The following PPARGC1A variants were observed in gnomAD, a reference collection of about 807,000 sequenced individuals.
PPARGC1A encodes peroxisome proliferator-activated receptor gamma coactivator 1-alpha.
In PPARGC1A, 25 loss-of-function variants were observed where a neutral mutation model predicts 88.7. The observed-to-expected ratio is 0.28, with a 90% CI of 0.21 to 0.39. The LOEUF is 0.39. Among genes scored for constraint, PPARGC1A ranks in the 10% least tolerant of loss-of-function variants. The pLI is 1.00. For missense variants in PPARGC1A, 880 were observed against 968.7 expected (o/e 0.91, Z 1.22); for synonymous variants, 363 against 355.6 (o/e 1.02, Z -0.24).
the PPARGC1A span, among the ~76,000 whole-genome samples, chr4:24,351,886 G>A: frequency 6.6e-6 from 1 of 152,142 alleles, no homozygotes; most frequent in South Asian, 2.1e-4. Context: ...AAGAGAAAGG[G>A]TGTTCTTTTT....
At chr4:23,970,567 C>T in the PPARGC1A span, among the ~76,000 whole-genome samples, 1 of 152,134 alleles carries the variant, frequency 6.6e-6, no homozygotes, top group Non-Finnish European at 1.5e-5. Flanking sequence ...TTGGGAAGTG[C>T]TACATAAAGG....
chr4:23,832,648 C>T (rs1356213339), intron 2 of PPARGC1A, among the ~76,000 whole-genome samples: 3 of 146,340 alleles, frequency 2.1e-5, no homozygotes, highest in Non-Finnish European at 4.5e-5. Context: ...CTTGCTCTAT[C>T]GCCCAGACTG....
At chr4:24,288,347 T>C in the PPARGC1A span, among the ~76,000 whole-genome samples, 1 of 152,180 alleles carries the variant, frequency 6.6e-6, no homozygotes, top group Admixed American at 6.5e-5. Context: ...GTGATTTTTG[T>C]TCAAAAACTA....
the PPARGC1A span, among the ~76,000 whole-genome samples, chr4:24,432,285 A>G: frequency 6.6e-6 from 1 of 152,114 alleles, no homozygotes; most frequent in Non-Finnish European, 1.5e-5. Flanking sequence ...GGAGGAGAAG[A>G]TGTGCCTGCC....
At chr4:24,421,697 C>A in the PPARGC1A span, among the ~76,000 whole-genome samples, 9 of 152,188 alleles carry the variant, frequency 5.9e-5, no homozygotes, top group Non-Finnish European at 1.3e-4. Context: ...CTTCCTCAGC[C>A]ACTGCCTCCA....
the PPARGC1A span, among the ~76,000 whole-genome samples, chr4:24,462,671 C>T: frequency 1.9e-3 from 283 of 151,054 alleles, no homozygotes; most frequent in African/African-American, 6.6e-3. Flanking sequence ...TTTAAAATGT[C>T]TCTGGAATGT....
At chr4:24,091,048 G>C in the PPARGC1A span, among the ~76,000 whole-genome samples, 2 of 152,262 alleles carry the variant, frequency 1.3e-5, 1 homozygote, top group South Asian at 4.2e-4. Flanking sequence ...ATTAAAAATA[G>C]GTTAAAACCA....
the PPARGC1A span, among the ~76,000 whole-genome samples, chr4:24,205,752 C>CA: frequency 0.015 from 2,250 of 152,218 alleles, 20 homozygotes; most frequent in East Asian, 0.058. Flanking sequence ...CACCCATATA[C>CA]AAAAAACTAA....
At chr4:24,161,997 CACACACACACACACA>C in the PPARGC1A span, among the ~76,000 whole-genome samples, 35 of 148,926 alleles carry the variant, frequency 2.4e-4, no homozygotes, top group African/African-American at 6.7e-4. Context: ...CACACACACA[CACACACACACACACA>C]CCATGGAATA....
the PPARGC1A span, among the ~76,000 whole-genome samples, chr4:24,099,943 G>A: frequency 6.9e-6 from 1 of 144,752 alleles, no homozygotes; most frequent in African/African-American, 2.6e-5. Context: ...GGCACAGGAA[G>A]GGGAACATCA....
the PPARGC1A span, among the ~76,000 whole-genome samples, chr4:23,916,729 T>G: frequency 6.6e-6 from 1 of 152,200 alleles, no homozygotes; most frequent in East Asian, 1.9e-4. Flanking sequence ...TTCCAATTTG[T>G]GAAAGTGCTT....
At chr4:23,856,705 A>G (rs1038441954) in intron 2 of PPARGC1A, among the ~76,000 whole-genome samples, 1 of 152,146 alleles carries the variant, frequency 6.6e-6, no homozygotes, top group African/African-American at 2.4e-5. Context: ...ACAGTGGCCT[A>G]TAAAACAGGC....
the PPARGC1A span, among the ~76,000 whole-genome samples, chr4:24,110,811 C>G: frequency 2.6e-5 from 4 of 152,246 alleles, no homozygotes; most frequent in African/African-American, 7.2e-5. Flanking sequence ...TACGTTGTAT[C>G]TATCTTCATT....
At chr4:24,452,706 C>T in the PPARGC1A span, among the ~76,000 whole-genome samples, 3 of 152,104 alleles carry the variant, frequency 2.0e-5, no homozygotes, top group African/African-American at 7.2e-5. Context: ...GTTCCATGTG[C>T]TGGAAACACA....
chr4:23,927,252 G>T, the PPARGC1A span, among the ~76,000 whole-genome samples: 3 of 152,090 alleles, frequency 2.0e-5, no homozygotes, highest in African/African-American at 7.2e-5. Flanking sequence ...CTTGAAGTAT[G>T]GTTTCTACTG....
chr4:24,299,338 A>AAG, the PPARGC1A span, among the ~76,000 whole-genome samples: 2 of 151,578 alleles, frequency 1.3e-5, no homozygotes, highest in Non-Finnish European at 2.9e-5. Flanking sequence ...GGTTTAATAA[A>AAG]ATATATATAT....
At chr4:23,917,609 C>T in the PPARGC1A span, among the ~76,000 whole-genome samples, 1 of 152,170 alleles carries the variant, frequency 6.6e-6, no homozygotes, top group South Asian at 2.1e-4. Context: ...AGGCGTGAGC[C>T]ACCACGCCCG....
At chr4:24,012,767 G>T in the PPARGC1A span, among the ~76,000 whole-genome samples, 2 of 152,050 alleles carry the variant, frequency 1.3e-5, no homozygotes, top group African/African-American at 4.8e-5. Flanking sequence ...GGGAATAAAA[G>T]ATATATTTTT....
chr4:24,147,544 C>T, the PPARGC1A span, among the ~76,000 whole-genome samples: 1 of 152,134 alleles, frequency 6.6e-6, no homozygotes, highest in Non-Finnish European at 1.5e-5. Flanking sequence ...CAGGTCTGCC[C>T]ATCCCTATAC....
Sources: gnomAD v4.1 joint callset for allele counts (sites outside exome capture counted in the v4.1 genomes callset) on GRCh38, gnomAD v4.1.1 for gene constraint, MANE v1.5 for transcripts, NCBI Gene and HGNC (gene_info 2026-07-23, HGNC 2026-07-21) for gene names.